ZNF768: variants seen among roughly 807,000 people sequenced by gnomAD.
The protein encoded by ZNF768 is zinc finger protein 768.
Under a neutral mutation model 39.7 loss-of-function variants are expected in ZNF768, and 12 were observed. The observed-to-expected ratio is 0.30, with a 90% confidence interval of 0.19 to 0.49. The LOEUF (loss-of-function observed/expected upper bound fraction) is 0.49, where lower values mean the gene tolerates loss of function less well. Ranked by LOEUF, ZNF768 falls within the 20% of genes least tolerant of loss-of-function variation. The pLI is 0.99. For missense variants in ZNF768, 613 were observed against 723.2 expected, an observed-to-expected ratio of 0.85 and a Z score of 1.75; for synonymous variants, 360 against 288.4, an observed-to-expected ratio of 1.25 and a Z score of -2.52.
upstream of ZNF768, chr16:30,530,592 CACGAGTCA>C (rs763383136): frequency 1.3e-5 from 2 of 152,228 alleles, no homozygotes. This position sits in a 1 kb window ranked among gnomAD's most constrained non-coding sequence, Gnocchi z 4.4. Context: ...TAAAGTGACA[CACGAGTCA>C]ACCCGCCCCA....
chr16:30,525,866 C>T lies in ZNF768; in HGVS notation c.274G>A (p.Gly92Arg). Residue 92 changes from glycine (G) to arginine (R), a missense_variant, in exon 2 of 2, where the codon GGG becomes AGG. This residue lies in a region of ZNF768 where 347 missense variants were observed against 326.1 expected (regional missense o/e 1.06). Coordinates refer to ENST00000380412, the MANE Select transcript of ZNF768 (RefSeq NM_024671.4). Reference sequence around the variant, plus strand: ...AACTCAGGGCTTGGGGGCACAAGCCCAGGGCTTCGGGACTCAAACCCCGGG... The same window carrying T: ...AACTCAGGGCTTGGGGGCACAAGCCTAGGGCTTCGGGACTCAAACCCCGGG... ...ESPGFESRSP[G>R]LVPPSPEFAP... The T allele has an allele frequency of 6.6e-7, 1 of 1,522,338 alleles. No homozygotes were observed. Among genetic ancestry groups the T allele is most frequent in the Non-Finnish European group, 8.8e-7 (1 of 1,139,214 alleles). 94.3% of individuals were successfully genotyped at this position (1,522,338 alleles called of 1,614,324 possible).
chr16:30,526,762 G>GGGGGGGGC, upstream of ZNF768: 1 of 676,284 alleles, frequency 1.5e-6, no homozygotes, highest in Non-Finnish European at 1.8e-6. Context: ...CCGGCCCCGG[G>GGGGGGGGC]CTGGGCTGCA....
At chr16:30,526,144 T>C (rs1428856021) in intron 1 of ZNF768, 93 bp from the exon 2 acceptor site, 14 of 1,493,160 alleles carry the variant, frequency 9.4e-6, no homozygotes, top group African/African-American at 1.4e-5. Flanking sequence ...GCAGGGTCGC[T>C]GGCCCCTAGA....
At chr16:30,526,129 C>A in intron 1 of ZNF768, 78 bp from the exon 2 acceptor site, 1 of 1,493,626 alleles carries the variant, frequency 6.7e-7, no homozygotes, top group Non-Finnish European at 8.9e-7. Context: ...CCTCCCACCT[C>A]ACATGCAGGG....
At position 30,526,566 on chromosome 16, in the gene ZNF768, T is replaced by C. The variant is rs1266302485; in HGVS notation, c.-153A>G. 3.8e-6 allele frequency: 4 copies of C among 1,048,488 alleles called. No homozygotes were observed. In the African/African-American group the frequency reaches 5.2e-5, roughly 14 times the overall value. 64.9% of individuals were successfully genotyped at this position (1,048,488 alleles called of 1,614,324 possible). On this transcript the variant is annotated 5_prime_UTR_variant, in exon 1 of 2. Transcript: ENST00000380412. ...GCCCGGGCCCCCGAGGCCGGACGTCTTGACCCCGCGCCTCTCCAGCGCGCC... is the reference window on the plus strand; with the variant it reads ...GCCCGGGCCCCCGAGGCCGGACGTCCTGACCCCGCGCCTCTCCAGCGCGCC...
chr16:30,527,832 C>T (rs755990756), upstream of ZNF768: 1 of 152,210 alleles, frequency 6.6e-6, no homozygotes, highest in Non-Finnish European at 1.5e-5. Flanking sequence ...AGGATTCCTT[C>T]CAGGTGAGGG....
upstream of ZNF768, chr16:30,527,056 C>T: frequency 1.0e-6 from 1 of 985,366 alleles, no homozygotes; most frequent in Non-Finnish European, 1.2e-6. Flanking sequence ...GTCGTCGGTG[C>T]GTGTGGCCAA....
intron 1 of ZNF768, 97 bp from the exon 2 acceptor site, chr16:30,526,148 C>A (rs1196141923): frequency 6.7e-7 from 1 of 1,498,670 alleles, no homozygotes; most frequent in Admixed American, 2.4e-5. Flanking sequence ...GGTCGCTGGC[C>A]CCTAGACAAG....
Position 30,525,622 on chromosome 16 carries a change from C to A in ZNF768, c.518G>T (p.Gly173Val). 1.2e-6 allele frequency: 2 copies of A among 1,614,242 alleles called. No homozygotes were observed. The highest frequency in any genetic ancestry group is 1.7e-6 in the Non-Finnish European group (2 of 1,180,040). The change falls in exon 2 of 2, where the codon GGT becomes GTT. Residue 173 changes from glycine to valine, a missense_variant. Gly to Val is a moderately radical substitution (Grantham distance 109, BLOSUM62 -3). Around this residue, in one of 4 missense-constraint regions of ZNF768, gnomAD observed 347 missense variants for 326.1 expected, o/e 1.06. Transcript: ENST00000380412. Reference protein sequence around the residue: ...FEAQSSKFQEGAEMLLNPEEK... With the variant: ...FEAQSSKFQEVAEMLLNPEEK... Reference sequence around the variant, plus strand: ...CTCGGGGTTCAGAAGCATCTCCGCACCTTCCTGGAATTTGGAACTTTGAGC... The same window carrying A: ...CTCGGGGTTCAGAAGCATCTCCGCAACTTCCTGGAATTTGGAACTTTGAGC...
chr16:30,526,467 C>T lies in ZNF768; in HGVS notation c.-54G>A, dbSNP rs2051325875. The T allele has an allele frequency of 2.1e-6, 3 of 1,453,048 alleles. No individual in the cohort carries two copies. The highest frequency in any genetic ancestry group is 2.8e-5 in the South Asian group (2 of 70,340). The allele number at this position is 1,453,048 out of a possible 1,614,324, so 90.0% of individuals were successfully genotyped here. ...GGCGATGGCGGCCGATCCCGCGACC[C>T]GGCCTCGGTTGCCCCGAGCCGCGGG... On this transcript the variant is annotated 5_prime_UTR_variant, in exon 1 of 2. Coordinates refer to ENST00000380412, the MANE Select transcript of ZNF768 (RefSeq NM_024671.4).
At chr16:30,526,234 T>C in intron 1 of ZNF768, 92 bp downstream of exon 1, 9 of 1,569,336 alleles carry the variant, frequency 5.7e-6, no homozygotes, top group African/African-American at 1.4e-5. Flanking sequence ...GAGTCCCAGG[T>C]GTCCCAGCCC....
Position 30,524,420 on chromosome 16 carries a change from T to G in ZNF768, c.*97A>C. On this transcript the variant is annotated 3_prime_UTR_variant, in exon 2 of 2. Coordinates refer to ENST00000380412, the MANE Select transcript of ZNF768 (RefSeq NM_024671.4). ...CTTCCAGCATCCTCAGCTCCTCCAT[T>G]CTCCTGCGGCTTCTCCACTATCCTC... 6.7e-7 allele frequency: 1 copy of G among 1,489,476 alleles called. No individual in the cohort carries two copies. Among genetic ancestry groups the G allele is most frequent in the East Asian group, 2.3e-5 (1 of 43,486 alleles). The allele number at this position is 1,489,476 out of a possible 1,614,324, so 92.3% of individuals were successfully genotyped here. A position where few individuals can be genotyped will look rare whatever the true frequency, so the allele number is the denominator to read the frequency against.
chr16:30,524,233 C>G lies in ZNF768; in HGVS notation c.*284G>C. 2.9e-6 allele frequency: 1 copy of G among 350,442 alleles called. No homozygotes were observed. Among genetic ancestry groups the G allele is most frequent in the Non-Finnish European group, 5.2e-6 (1 of 192,024 alleles). 21.7% of individuals were successfully genotyped at this position (350,442 alleles called of 1,614,324 possible). Reference sequence around the variant, plus strand: ...CTGCCCTCCCCCCTCCCTGCTCTAGCAGTTGCCAAGCCAGGCACCCACCAA... The same window carrying G: ...CTGCCCTCCCCCCTCCCTGCTCTAGGAGTTGCCAAGCCAGGCACCCACCAA... On this transcript the variant is annotated 3_prime_UTR_variant, in exon 2 of 2. Coordinates refer to ENST00000380412, the MANE Select transcript of ZNF768 (RefSeq NM_024671.4).
the ZNF768 span, chr16:30,532,124 G>C: frequency 3.7e-6 from 1 of 270,448 alleles, no homozygotes; most frequent in Admixed American, 5.0e-5. Flanking sequence ...CTCCAGCCTG[G>C]GCAACAAGAG....
At position 30,525,094 on chromosome 16, in the gene ZNF768, T is replaced by C; in HGVS notation, c.1046A>G (p.His349Arg). The C allele has an allele frequency of 6.2e-7, 1 of 1,613,006 alleles. No homozygotes were observed. The highest frequency in any genetic ancestry group is 8.5e-7 in the Non-Finnish European group (1 of 1,179,692). ...HSGQKPYKCP[H>R]CGKAFGDSSY... is the part of the protein sequence containing the mutation. ...GCTGTCGCCGAAGGCCTTGCCACAA[T>C]GTGGGCACTTGTAGGGCTTCTGGCC... Residue 349 changes from histidine to arginine, a missense_variant, in exon 2 of 2, where the codon CAT (histidine) becomes CGT (arginine). His to Arg is a conservative substitution (Grantham distance 29). This residue lies in a region of ZNF768 where 204 missense variants were observed against 281.7 expected (regional missense o/e 0.72). Transcript: ENST00000380412.
chr16:30,526,393 C>A lies in ZNF768; in HGVS notation c.21G>T (p.Pro7=). Residue 7 remains proline, a synonymous_variant, in exon 1 of 2, where the codon CCG becomes CCT. Coordinates refer to ENST00000380412, the MANE Select transcript of ZNF768 (RefSeq NM_024671.4). The part of the protein sequence containing the change: MEREAL[P]WGLEPQDVQS... ...GCACATCCTGGGGCTCGAGGCCCCA[C>A]GGCAACGCCTCCCGCTCCATCCCCG... is the stretch of plus-strand genomic sequence containing the variant. The A allele has an allele frequency of 6.3e-7, 1 of 1,598,488 alleles. No homozygotes were observed. Among genetic ancestry groups the A allele is most frequent in the South Asian group, 1.1e-5 (1 of 89,274 alleles).
upstream of ZNF768, chr16:30,526,804 C>G: frequency 1.1e-6 from 1 of 916,814 alleles, no homozygotes; most frequent in Non-Finnish European, 1.3e-6. Flanking sequence ...CCCCCCCACC[C>G]TCCCCCGCAC....
At chr16:30,527,054 T>C (rs2051334379), upstream of ZNF768, 2 of 985,066 alleles carry the variant, frequency 2.0e-6, no homozygotes, top group African/African-American at 3.5e-5. Context: ...GCGTCGTCGG[T>C]GCGTGTGGCC....
At position 30,524,261 on chromosome 16, in the gene ZNF768, A is replaced by C; in HGVS notation, c.*256T>G. ...TTGCCAAGCCAGGCACCCACCAAGG[A>C]GCCGCGGCTGAGGCCAGCCCTCCGC... is the stretch of plus-strand genomic sequence containing the variant. On this transcript the variant is annotated 3_prime_UTR_variant, in exon 2 of 2. Coordinates refer to ENST00000380412, the MANE Select transcript of ZNF768 (RefSeq NM_024671.4). 1 of 327,490 alleles carries C rather than the reference A, an allele frequency of 3.1e-6. No individual in the cohort carries two copies. The allele number at this position is 327,490 out of a possible 1,614,324, so 20.3% of individuals were successfully genotyped here. A position where few individuals can be genotyped will look rare whatever the true frequency, so the allele number is the denominator to read the frequency against.
Sources: gnomAD v4.1 joint callset for allele counts on GRCh38, gnomAD v4.1.1 for gene constraint, gnomAD v4.1.1 regional missense constraint, Gnocchi (gnomAD v3.1) non-coding constraint, MANE v1.5 for transcripts, NCBI Gene and HGNC (gene_info 2026-07-23, HGNC 2026-07-21) for gene names.